Variants in NFX1 observed in about 807,000 individuals in gnomAD.
NFX1 encodes nuclear transcription factor, X-box binding 1.
In NFX1, 69 loss-of-function variants were observed where a neutral mutation model predicts 137.2. The ratio of observed to expected loss-of-function variants is 0.50; its 90% CI spans 0.41 to 0.61. NFX1 has a LOEUF of 0.61. Ranked by LOEUF, NFX1 falls within the 20% of genes least tolerant of loss-of-function variation. The pLI is 0.00. For synonymous variants in NFX1, 495 were observed against 474.1 expected, an observed-to-expected ratio of 1.04 and a Z score of -0.57; for missense variants, 1,167 against 1,391.0, an observed-to-expected ratio of 0.84 and a Z score of 2.56.
chr9:33,319,961 TTTTC>T (rs1363814847), intron 9 of NFX1, among the ~76,000 whole-genome samples: 2 of 150,994 alleles, frequency 1.3e-5, no homozygotes, highest in African/African-American at 4.9e-5. Flanking sequence ...TTTTCTTTTC[TTTTC>T]TTTTTTTTTT....
intron 12 of NFX1, among the ~76,000 whole-genome samples, chr9:33,339,850 A>G (rs1370552097): frequency 6.6e-6 from 1 of 152,200 alleles, no homozygotes; most frequent in African/African-American, 2.4e-5. Context: ...AAGCTACAAA[A>G]TGCTCTCCTT....
At chr9:33,358,190 T>C (rs1823874345) in intron 19 of NFX1, among the ~76,000 whole-genome samples, 1 of 151,590 alleles carries the variant, frequency 6.6e-6, no homozygotes, top group African/African-American at 2.4e-5. Flanking sequence ...AATGGTGTGA[T>C]CTCGGCTCAC....
At chr9:33,313,507 G>T (rs993486198) in intron 6 of NFX1, 147 bp from the exon 7 acceptor site, 11 of 651,138 alleles carry the variant, frequency 1.7e-5, no homozygotes, top group Non-Finnish European at 2.7e-5. Flanking sequence ...AGAATTGGAG[G>T]AGGGAGACAT....
chr9:33,364,069 C>A lies in NFX1; in HGVS notation c.2933C>A (p.Ser978Ter). 6.2e-7 allele frequency: 1 copy of A among 1,605,394 alleles called. No homozygotes were observed. Among genetic ancestry groups the A allele is most frequent in the East Asian group, 2.3e-5 (1 of 44,396 alleles). Residue 978 changes from serine (S) to a stop codon, truncating the protein, a stop_gained, in exon 20 of 24, where the codon TCA (serine) becomes TAA (stop). Coordinates refer to ENST00000379540, the MANE Select transcript of NFX1 (RefSeq NM_002504.6). LOFTEE classifies it high-confidence loss of function. ...TCTGATCCTTTCAATATACGTTCTT[C>A]AGGGTCAAAATTCAGTGATAGTTTG... ...EDSDPFNIRS[S>*]GSKFSDSLKE...
chr9:33,356,046 A>G (rs540442611), intron 19 of NFX1, among the ~76,000 whole-genome samples: 1 of 152,364 alleles, frequency 6.6e-6, no homozygotes, highest in African/African-American at 2.4e-5. Flanking sequence ...TGTGTTCAGC[A>G]TTAGTAGATT....
chr9:33,312,431 C>A (rs554499910), intron 6 of NFX1, among the ~76,000 whole-genome samples: 1 of 152,346 alleles, frequency 6.6e-6, no homozygotes, highest in African/African-American at 2.4e-5. Context: ...GCAAGCTGAT[C>A]ATTTATGTAC....
chr9:33,330,459 A>G (rs761508827), intron 10 of NFX1, among the ~76,000 whole-genome samples: 43 of 152,238 alleles, frequency 2.8e-4, no homozygotes, highest in Non-Finnish European at 2.5e-4. Context: ...TACAATATAC[A>G]TAGGATAACA....
At position 33,313,885 on chromosome 9, in the gene NFX1, T is replaced by G. The variant is rs546360799; in HGVS notation, c.1588+92T>G. On this transcript the variant is annotated intron_variant, in intron 7 of 23. Transcript: ENST00000379540. ...TGATAAACTTTGATTGGTGTCAGAC[T>G]TTTAGTCACAAAGACCTTGAGTAGA... 2.1e-5 allele frequency: 29 copies of G among 1,353,458 alleles called. No homozygotes were observed. The African/African-American group carries it at 3.0e-4, about 14-fold the overall frequency. The allele number at this position is 1,353,458 out of a possible 1,614,324, so 83.8% of individuals were successfully genotyped here. A position where few individuals can be genotyped will look rare whatever the true frequency, so the allele number is the denominator to read the frequency against.
At chr9:33,297,115 C>T (rs1348197750) in intron 2 of NFX1, among the ~76,000 whole-genome samples, 1 of 152,166 alleles carries the variant, frequency 6.6e-6, no homozygotes, top group South Asian at 2.1e-4. Context: ...CTTCTCACAG[C>T]TCCCCCTCTC....
At chr9:33,314,549 C>T (rs533832287) in intron 7 of NFX1, among the ~76,000 whole-genome samples, 12 of 151,706 alleles carry the variant, frequency 7.9e-5, no homozygotes, top group South Asian at 6.3e-4. Context: ...TGGTGGTGGG[C>T]GCCTGTAATC....
intron 3 of NFX1, 69 bp downstream of exon 3, chr9:33,301,490 G>T: frequency 1.3e-6 from 2 of 1,491,860 alleles, no homozygotes; most frequent in Admixed American, 2.3e-5. Flanking sequence ...ATTAAGCCCA[G>T]CTTTAAAAAT....
rs774257704 is a variant in NFX1, at chr9:33,301,326, G to A, written c.1097G>A (p.Arg366His). ...YECMVCCELV[R>H]VTAPVWSCQS... ...TGCATGGTGTGCTGTGAATTGGTTCGTGTCACGGCCCCAGTGTGGAGTTGT... is the reference window on the plus strand; with the variant it reads ...TGCATGGTGTGCTGTGAATTGGTTCATGTCACGGCCCCAGTGTGGAGTTGT... Residue 366 changes from arginine (R) to histidine (H), a missense_variant, in exon 3 of 24, where the codon CGT becomes CAT. Around this residue, in one of 3 missense-constraint regions of NFX1, gnomAD observed 488 missense variants for 691.5 expected, o/e 0.71. Coordinates refer to ENST00000379540, the MANE Select transcript of NFX1 (RefSeq NM_002504.6). 75 of 1,614,026 alleles carry A rather than the reference G, an allele frequency of 4.6e-5. No individual in the cohort carries two copies. The highest frequency in any genetic ancestry group is 1.6e-4 in the Middle Eastern group (1 of 6,084).
rs1472910477 is a variant in NFX1 at position 33,333,334 on chromosome 9, G to T, written c.2035+832G>T. Among the ~76,000 whole-genome samples the T allele has an allele frequency of 2.0e-5, 3 of 152,184 alleles. No individual in the cohort carries two copies. The East Asian group carries it at 5.8e-4, about 29-fold the overall frequency. ...AGAAAAAGTGACTTTTACGATAAGG[G>T]TGTTTACTGCCACACCTGATAGGAT... On this transcript the variant is annotated intron_variant, in intron 11 of 23. Transcript: ENST00000379540.
At chr9:33,337,179 C>T (rs1057332681) in intron 11 of NFX1, among the ~76,000 whole-genome samples, 4 of 152,164 alleles carry the variant, frequency 2.6e-5, no homozygotes, top group Non-Finnish European at 5.9e-5. Context: ...CTTCCATATC[C>T]ATGGGTTCCA....
intron 7 of NFX1, among the ~76,000 whole-genome samples, chr9:33,314,843 A>G (rs1208806445): frequency 6.6e-6 from 1 of 152,224 alleles, no homozygotes; most frequent in African/African-American, 2.4e-5. Flanking sequence ...TGGTGGTCAC[A>G]CAGATGTATA....
chr9:33,294,335 T>C (rs1821266722), intron 1 of NFX1, 85 bp from the exon 2 acceptor site: 1 of 1,269,732 alleles, frequency 7.9e-7, no homozygotes, highest in East Asian at 2.3e-5. Context: ...CTAAGGAAAG[T>C]AATTTTTAGA....
At chr9:33,354,251 A>G in intron 18 of NFX1, 64 bp downstream of exon 18, 2 of 1,285,102 alleles carry the variant, frequency 1.6e-6, no homozygotes, top group Non-Finnish European at 2.2e-6. Flanking sequence ...GAGGGCAGAG[A>G]TTATTCATTT....
chr9:33,344,135 G>A lies in NFX1; in HGVS notation c.2291G>A (p.Arg764Lys), dbSNP rs200644598. Reference protein sequence around the residue: ...VIYPPVPCGTRPPECTQTCAR... With the variant: ...VIYPPVPCGTKPPECTQTCAR... ...TACCCTCCAGTTCCCTGTGGTACTA[G>A]GCCCCCTGAATGTACCCAAACCTGC... Residue 764 changes from arginine to lysine, a missense_variant, in exon 14 of 24, where the codon AGG becomes AAG. Arg to Lys is a conservative substitution (Grantham distance 26, BLOSUM62 2). Around this residue, in one of 3 missense-constraint regions of NFX1, gnomAD observed 488 missense variants for 691.5 expected, o/e 0.71. Transcript: ENST00000379540. 2.5e-6 allele frequency: 4 copies of A among 1,614,110 alleles called. No individual in the cohort carries two copies. In the Admixed American group the frequency reaches 5.0e-5, roughly 20 times the overall value.
chr9:33,328,911 T>A (rs1564124297), intron 10 of NFX1, among the ~76,000 whole-genome samples: 1 of 152,146 alleles, frequency 6.6e-6, no homozygotes, highest in Non-Finnish European at 1.5e-5. Flanking sequence ...GTCAGCCAAC[T>A]AAGAAGTTAG....
Sources: gnomAD v4.1 joint callset for allele counts (sites outside exome capture counted in the v4.1 genomes callset) on GRCh38, gnomAD v4.1.1 for gene constraint, gnomAD v4.1.1 regional missense constraint, MANE v1.5 for transcripts, NCBI Gene and HGNC (gene_info 2026-07-23, HGNC 2026-07-21) for gene names.